Variants in MRPS17 observed in about 807,000 individuals in gnomAD.
MRPS17 encodes small ribosomal subunit protein uS17m.
In MRPS17, 6 loss-of-function variants were observed where a neutral mutation model predicts 11.3. The observed-to-expected ratio is 0.53, with a 90% confidence interval of 0.29 to 1.05. MRPS17 has a LOEUF of 1.05. Among genes scored for constraint, MRPS17 ranks in the 50% least tolerant of loss-of-function variants. The probability of loss-of-function intolerance (pLI) is 0.08; values close to 1 mark genes in which losing one functional copy is unlikely to be tolerated. For synonymous variants in MRPS17, 56 were observed against 60.4 expected (o/e 0.93, Z 0.34); for missense variants, 139 against 153.6 (o/e 0.90, Z 0.50).
At position 55,956,407 on chromosome 7, in the gene MRPS17, C is replaced by T. The variant is rs562341688; in HGVS notation, c.*1229C>T. ...GTGCTTGGATTACAGGCATGAGCCA[C>T]TGCATGTAATGACCAGCCACTGGTC... is the stretch of plus-strand genomic sequence containing the variant. On this transcript the variant is annotated 3_prime_UTR_variant, in exon 3 of 3. Coordinates refer to ENST00000285298, the MANE Select transcript of MRPS17 (RefSeq NM_015969.3). 1 of 152,314 alleles carries T rather than the reference C, an allele frequency of 6.6e-6. No individual in the cohort carries two copies. Among genetic ancestry groups the T allele is most frequent in the South Asian group, 2.1e-4 (1 of 4,830 alleles). 9.4% of individuals were successfully genotyped at this position (152,314 alleles called of 1,614,324 possible).
Position 55,953,994 on chromosome 7 carries a change from G to A in MRPS17, c.123+676G>A, listed in dbSNP as rs149150916. Among the ~76,000 whole-genome samples, 1,058 of 152,288 alleles carry A rather than the reference G, an allele frequency of 6.9e-3. 6 individuals carry two copies. The highest frequency in any genetic ancestry group is 0.011 in the Non-Finnish European group (782 of 68,026). The stretch of plus-strand genomic sequence containing the variant: ...AATGGTATCAGTCTGCTGCCCTGGG[G>A]GTTGGGGATCCCTGCTTGAACCCAA... On this transcript the variant is annotated intron_variant, in intron 2 of 2. Coordinates refer to ENST00000285298, the MANE Select transcript of MRPS17 (RefSeq NM_015969.3).
At chr7:55,954,473 A>G (rs1011378861) in intron 2 of MRPS17, among the ~76,000 whole-genome samples, 2 of 152,170 alleles carry the variant, frequency 1.3e-5, no homozygotes, top group African/African-American at 4.8e-5. Flanking sequence ...CATGCCTGTA[A>G]TCCCAGCACT....
At chr7:55,952,451 A>T (rs1034047021) in intron 1 of MRPS17, among the ~76,000 whole-genome samples, 4 of 152,164 alleles carry the variant, frequency 2.6e-5, no homozygotes, top group African/African-American at 9.7e-5. Context: ...TGGTGATTCA[A>T]GCCGGGCGCG....
At position 55,952,861 on chromosome 7, in the gene MRPS17, C is replaced by T. The variant is rs999769489; in HGVS notation, c.-17-318C>T. 4.0e-5 allele frequency among the ~76,000 whole-genome samples: 6 copies of T among 151,476 alleles called. No individual in the cohort carries two copies. In the East Asian group the frequency reaches 7.8e-4, roughly 20 times the overall value. On this transcript the variant is annotated intron_variant, in intron 1 of 2. Transcript: ENST00000285298. ...CCTGGCTAACACGGTGAAACTCCAT[C>T]TCTACTAAAAATACAAAAAAATTAG...
chr7:55,953,587 C>T (rs1006788173), intron 2 of MRPS17, among the ~76,000 whole-genome samples: 2 of 152,104 alleles, frequency 1.3e-5, no homozygotes, highest in African/African-American at 2.4e-5. Flanking sequence ...TTTGGGAGGC[C>T]GATGCGGTTG....
At chr7:55,953,811 C>T (rs1786686539) in intron 2 of MRPS17, among the ~76,000 whole-genome samples, 1 of 78,262 alleles carries the variant, frequency 1.3e-5, no homozygotes, top group South Asian at 5.2e-4. Context: ...AAGAGCAAAA[C>T]TCTGCCTACC....
rs200725553 is a variant in MRPS17 at position 55,954,903 on chromosome 7, C to G, written c.124-6C>G. 2,103 of 1,611,772 alleles carry G rather than the reference C, an allele frequency of 1.3e-3. 2 individuals are homozygous for G. The highest frequency in any genetic ancestry group is 1.7e-3 in the Non-Finnish European group (2,002 of 1,178,242). ...TACTGATTTGCTTCTCTCCCTCTCT[C>G]AACAGTATTTTAATAAGCGGAAAAC... On this transcript the variant is annotated splice_region_variant and splice_polypyrimidine_tract_variant and intron_variant, in intron 2 of 2. Coordinates refer to ENST00000285298, the MANE Select transcript of MRPS17 (RefSeq NM_015969.3).
Position 55,952,995 on chromosome 7 carries a change from G to A in MRPS17, c.-17-184G>A, listed in dbSNP as rs540316580. Among the ~76,000 whole-genome samples the A allele has an allele frequency of 2.0e-5, 3 of 151,836 alleles. No homozygotes were observed. The South Asian group carries it at 6.2e-4, about 32-fold the overall frequency. On this transcript the variant is annotated intron_variant, in intron 1 of 2. Transcript: ENST00000285298. ...TGCAGTGAGCCAAGATCGCACCACCGCACTCCAGCCTGGGCGACAGAGAGA... is the reference window on the plus strand; with the variant it reads ...TGCAGTGAGCCAAGATCGCACCACCACACTCCAGCCTGGGCGACAGAGAGA...
chr7:55,952,284 G>A (rs1216609496), intron 1 of MRPS17: 1 of 152,322 alleles, frequency 6.6e-6, no homozygotes, highest in African/African-American at 2.4e-5. Context: ...GTGGTATTGA[G>A]CGTTCTGTGG....
Position 55,955,288 on chromosome 7 carries a change from T to C in MRPS17, c.*110T>C, listed in dbSNP as rs15892. 0.77 allele frequency: 1,046,418 copies of C among 1,353,814 alleles called. 406,474 individuals carry two copies. The highest frequency in any genetic ancestry group is 0.95 in the East Asian group (40,142 of 42,240). 83.9% of individuals were successfully genotyped at this position (1,353,814 alleles called of 1,614,324 possible). On this transcript the variant is annotated 3_prime_UTR_variant, in exon 3 of 3. Coordinates refer to ENST00000285298, the MANE Select transcript of MRPS17 (RefSeq NM_015969.3). ...CTGTGTCCAGTTTCTCTGTGGTGTT[T>C]ATGAAATAGCTAAAAGCAAATGAAG...
At position 55,956,066 on chromosome 7, in the gene MRPS17, T is replaced by C. The variant is rs1389353054; in HGVS notation, c.*888T>C. 6.6e-6 allele frequency: 1 copy of C among 152,146 alleles called. No homozygotes were observed. Among genetic ancestry groups the C allele is most frequent in the Admixed American group, 6.6e-5 (1 of 15,262 alleles). The allele number at this position is 152,146 out of a possible 1,614,324, so 9.4% of individuals were successfully genotyped here. A position where few individuals can be genotyped will look rare whatever the true frequency, so the allele number is the denominator to read the frequency against. On this transcript the variant is annotated 3_prime_UTR_variant, in exon 3 of 3. Coordinates refer to ENST00000285298, the MANE Select transcript of MRPS17 (RefSeq NM_015969.3). ...GAGCCACTGTGCCCAGCCGGTTTCC[T>C]TTATTTCATTCAAAGGAATTTTGAA... is the stretch of plus-strand genomic sequence containing the variant.
At chr7:55,954,058 G>A (rs1175463319) in intron 2 of MRPS17, among the ~76,000 whole-genome samples, 3 of 152,098 alleles carry the variant, frequency 2.0e-5, no homozygotes, top group Non-Finnish European at 4.4e-5. Context: ...GAAGACTGGA[G>A]GTAAGGGAAT....
chr7:55,953,812 T>A (rs1249320576), intron 2 of MRPS17, among the ~76,000 whole-genome samples: 2 of 78,198 alleles, frequency 2.6e-5, no homozygotes, highest in African/African-American at 1.2e-4. Context: ...AGAGCAAAAC[T>A]CTGCCTACCA....
At chr7:55,953,774 A>G (rs1024283636) in intron 2 of MRPS17, among the ~76,000 whole-genome samples, 3 of 151,992 alleles carry the variant, frequency 2.0e-5, no homozygotes, top group South Asian at 2.1e-4. Context: ...ATGAGCCACA[A>G]TTGTACCATT....
rs78291451 is a variant in MRPS17, at chr7:55,955,863, C to T, written c.*685C>T. On this transcript the variant is annotated 3_prime_UTR_variant, in exon 3 of 3. Transcript: ENST00000285298. Reference sequence around the variant, plus strand: ...CACTGCAGCCTTGACCTCCCTGGCTCTAGCATCTTTCCACCCCAGCCTTCT... The same window carrying T: ...CACTGCAGCCTTGACCTCCCTGGCTTTAGCATCTTTCCACCCCAGCCTTCT... 1,316 of 152,546 alleles carry T rather than the reference C, an allele frequency of 8.6e-3. 21 individuals are homozygous for T. The highest frequency in any genetic ancestry group is 0.03 in the African/African-American group (1,255 of 41,534). The allele number at this position is 152,546 out of a possible 1,614,324, so 9.4% of individuals were successfully genotyped here.
intron 2 of MRPS17, 78 bp downstream of exon 2, chr7:55,953,396 C>T: frequency 6.4e-7 from 1 of 1,567,344 alleles, no homozygotes; most frequent in Non-Finnish European, 8.6e-7. Context: ...AAACATTTAT[C>T]TCTCAGTAAA....
At chr7:55,954,256 A>G (rs573164949) in intron 2 of MRPS17, among the ~76,000 whole-genome samples, 7 of 152,164 alleles carry the variant, frequency 4.6e-5, no homozygotes, top group African/African-American at 1.7e-4. Flanking sequence ...GTGGGTACCA[A>G]TGCTGGTCAT....
intron 2 of MRPS17, among the ~76,000 whole-genome samples, chr7:55,953,786 C>T (rs1786685992): frequency 1.3e-5 from 2 of 149,956 alleles, no homozygotes; most frequent in Non-Finnish European, 1.5e-5. Context: ...TGTACCATTG[C>T]ACTCCATCCT....
intron 2 of MRPS17, among the ~76,000 whole-genome samples, chr7:55,954,098 A>G (rs1002833693): frequency 2.6e-5 from 4 of 152,178 alleles, no homozygotes; most frequent in Non-Finnish European, 5.9e-5. Flanking sequence ...AAAGTCTAGG[A>G]TGGAAATAAG....
Sources: gnomAD v4.1 joint callset for allele counts (sites outside exome capture counted in the v4.1 genomes callset) on GRCh38, gnomAD v4.1.1 for gene constraint, MANE v1.5 for transcripts, NCBI Gene and HGNC (gene_info 2026-07-23, HGNC 2026-07-21) for gene names.